TRAF3IP1: variants seen among roughly 807,000 people sequenced by gnomAD.
TRAF3IP1 encodes the protein TRAF3-interacting protein 1.
TRAF3IP1 carries 53 observed loss-of-function variants against 89.9 expected under a neutral mutation model. The ratio of observed to expected loss-of-function variants is 0.59; its 90% CI spans 0.47 to 0.74. TRAF3IP1 has a LOEUF of 0.74. TRAF3IP1 is among the 30% of genes least tolerant of loss of function. The probability of loss-of-function intolerance (pLI) is 0.00; values close to 1 mark genes in which losing one functional copy is unlikely to be tolerated. For missense variants in TRAF3IP1, 806 were observed against 866.1 expected, an observed-to-expected ratio of 0.93 and a Z score of 0.87; for synonymous variants, 311 against 322.1, an observed-to-expected ratio of 0.97 and a Z score of 0.37.
chr2:238,346,825 T>A (rs747084926), intron 9 of TRAF3IP1, among the ~76,000 whole-genome samples: 6 of 152,212 alleles, frequency 3.9e-5, no homozygotes, highest in Non-Finnish European at 7.3e-5. Flanking sequence ...AAACAGAGAT[T>A]TCCCACCTGT....
intron 15 of TRAF3IP1, among the ~76,000 whole-genome samples, chr2:238,365,924 AT>A (rs1249236905): frequency 6.6e-6 from 1 of 152,206 alleles, no homozygotes; most frequent in Non-Finnish European, 1.5e-5. Flanking sequence ...TGGATATAAA[AT>A]TTGTTACCAC....
At chr2:238,366,766 T>A (rs1419181492) in intron 15 of TRAF3IP1, among the ~76,000 whole-genome samples, 1 of 152,180 alleles carries the variant, frequency 6.6e-6, no homozygotes, top group Non-Finnish European at 1.5e-5. Flanking sequence ...CTGCCTTGGA[T>A]GTCAATTCAG....
At chr2:238,344,294 C>T (rs531219795) in intron 8 of TRAF3IP1, among the ~76,000 whole-genome samples, 1 of 152,202 alleles carries the variant, frequency 6.6e-6, no homozygotes, top group Admixed American at 6.5e-5. Context: ...TGTCCTTTCC[C>T]TTTCACCCCA....
At chr2:238,374,217 A>G (rs1188565025) in intron 15 of TRAF3IP1, among the ~76,000 whole-genome samples, 1 of 152,184 alleles carries the variant, frequency 6.6e-6, no homozygotes, top group Non-Finnish European at 1.5e-5. Flanking sequence ...CTGGTTTTCA[A>G]AGGGAATGCT....
chr2:238,395,830 T>C (rs1267755785), intron 15 of TRAF3IP1, among the ~76,000 whole-genome samples: 6 of 152,182 alleles, frequency 3.9e-5, no homozygotes, highest in Non-Finnish European at 8.8e-5. Flanking sequence ...CACAATGAGA[T>C]ACCATCTCAC....
At chr2:238,353,777 C>A (rs527895988) in intron 14 of TRAF3IP1, among the ~76,000 whole-genome samples, 1 of 152,084 alleles carries the variant, frequency 6.6e-6, no homozygotes, top group South Asian at 2.1e-4. Flanking sequence ...TATATGAAGC[C>A]ACCCTTTTTT....
Position 238,398,796 on chromosome 2 carries a change from G to A in TRAF3IP1, c.1953G>A (p.Ala651=), listed in dbSNP as rs779243221. Residue 651 remains alanine (A), a synonymous_variant, in exon 17 of 17, where the codon GCG becomes GCA. Coordinates refer to ENST00000373327, the MANE Select transcript of TRAF3IP1 (RefSeq NM_015650.4). The part of the protein sequence containing the change: ...CAVEPLKAEL[A]ELEQLIKDQQ... ...TGGAGCCCTTAAAGGCTGAGCTCGC[G>A]GAGCTGGAGCAGCTGATCAAAGACC... The A allele has an allele frequency of 5.6e-6, 9 of 1,612,130 alleles. No individual in the cohort carries two copies. The Admixed American group carries it at 6.7e-5, about 12-fold the overall frequency.
intron 7 of TRAF3IP1, among the ~76,000 whole-genome samples, chr2:238,337,481 T>C (rs111520568): frequency 2.6e-5 from 4 of 152,346 alleles, no homozygotes; most frequent in African/African-American, 9.6e-5. Context: ...ACAGAAGTCC[T>C]TGAAGAGTTT....
At chr2:238,322,042 C>T (rs1026302134) in intron 1 of TRAF3IP1, among the ~76,000 whole-genome samples, 1 of 152,240 alleles carries the variant, frequency 6.6e-6, no homozygotes, top group African/African-American at 2.4e-5. Context: ...CATGTCCTCC[C>T]AGCTGGTGCA....
At chr2:238,328,654 A>G (rs1361630783) in intron 3 of TRAF3IP1, 32 bp from the exon 4 acceptor site, 2 of 1,603,896 alleles carry the variant, frequency 1.2e-6, no homozygotes, top group South Asian at 1.1e-5. Context: ...CATTTCACCT[A>G]ACACCTCATT....
At chr2:238,341,230 C>A (rs1369383225) in intron 8 of TRAF3IP1, among the ~76,000 whole-genome samples, 1 of 150,286 alleles carries the variant, frequency 6.7e-6, no homozygotes, top group African/African-American at 2.5e-5. Context: ...ACTTTGTTGC[C>A]TAGGCTGGTT....
At chr2:238,334,839 G>A (rs544919883) in intron 7 of TRAF3IP1, among the ~76,000 whole-genome samples, 4 of 152,340 alleles carry the variant, frequency 2.6e-5, no homozygotes, top group South Asian at 2.1e-4. Flanking sequence ...TTCCAGAAGC[G>A]CAGTGGCTGG....
intron 15 of TRAF3IP1, among the ~76,000 whole-genome samples, chr2:238,356,500 AAG>A (rs1487666977): frequency 6.6e-6 from 1 of 152,102 alleles, no homozygotes; most frequent in African/African-American, 2.4e-5. Flanking sequence ...CTGCCTCAGA[AAG>A]AAAAAAAAAG....
chr2:238,367,710 C>CA (rs1276819587), intron 15 of TRAF3IP1, among the ~76,000 whole-genome samples: 6 of 152,140 alleles, frequency 3.9e-5, no homozygotes, highest in Non-Finnish European at 7.4e-5. Flanking sequence ...CACCACAACT[C>CA]ACTGCTGAGG....
chr2:238,324,256 C>T (rs971977548), intron 1 of TRAF3IP1, among the ~76,000 whole-genome samples: 5 of 152,014 alleles, frequency 3.3e-5, no homozygotes, highest in African/African-American at 9.7e-5. Flanking sequence ...TTAGTAGAGA[C>T]GGGGTTTCAC....
chr2:238,381,147 T>G (rs1168373565), intron 15 of TRAF3IP1, among the ~76,000 whole-genome samples: 1 of 151,106 alleles, frequency 6.6e-6, no homozygotes. Flanking sequence ...ATTTATTTTT[T>G]TTTTTTTCAG....
In TRAF3IP1 at chr2:238,351,454, G is replaced by A. The variant is rs1307995393; in HGVS notation, c.1452-1373G>A. On this transcript the variant is annotated intron_variant, in intron 12 of 16. Coordinates refer to ENST00000373327, the MANE Select transcript of TRAF3IP1 (RefSeq NM_015650.4). The surrounding 1 kb of genome is among the most constrained non-coding windows in gnomAD (Gnocchi z 5.2). ...CCCTCTGGGCCCGTGACAAGAGGCC[G>A]GTGGGAGGAGCAGCAGCTGCAGCTG... is the stretch of plus-strand genomic sequence containing the variant. 6.6e-6 allele frequency among the ~76,000 whole-genome samples: 1 copy of A among 152,150 alleles called. No homozygotes were observed. The highest frequency in any genetic ancestry group is 1.5e-5 in the Non-Finnish European group (1 of 68,018).
intron 15 of TRAF3IP1, among the ~76,000 whole-genome samples, chr2:238,360,152 G>A (rs1422920441): frequency 6.6e-6 from 1 of 152,160 alleles, no homozygotes; most frequent in Non-Finnish European, 1.5e-5. Context: ...TACTCAGAAT[G>A]GCATGCAATT....
At position 238,352,892 on chromosome 2, in the gene TRAF3IP1, A is replaced by G. The variant is rs1699236131; in HGVS notation, c.1517A>G (p.Asp506Gly). Residue 506 changes from aspartate (D) to glycine (G), a missense_variant, in exon 13 of 17, where the codon GAT (aspartate) becomes GGT (glycine). By Grantham distance (94) the Asp-to-Gly change is moderately conservative. Transcript: ENST00000373327. Reference protein sequence around the residue: ...TESHNSDNEEDDQFVVEAAPQ... With the variant: ...TESHNSDNEEGDQFVVEAAPQ... The stretch of plus-strand genomic sequence containing the variant: ...TCACACAATTCTGACAATGAAGAGG[A>G]TGATCAATTTGTGGTGGAAGCTGCC... 1.9e-6 allele frequency: 3 copies of G among 1,613,980 alleles called. No individual in the cohort carries two copies. The highest frequency in any genetic ancestry group is 2.5e-6 in the Non-Finnish European group (3 of 1,179,880).
Sources: gnomAD v4.1 joint callset for allele counts (sites outside exome capture counted in the v4.1 genomes callset) on GRCh38, gnomAD v4.1.1 for gene constraint, Gnocchi (gnomAD v3.1) non-coding constraint, MANE v1.5 for transcripts, NCBI Gene and HGNC (gene_info 2026-07-23, HGNC 2026-07-21) for gene names.